USP47: variants seen among roughly 807,000 people sequenced by gnomAD.
USP47 encodes the protein ubiquitin carboxyl-terminal hydrolase 47.
USP47 carries 35 observed loss-of-function variants against 165.1 expected under a neutral mutation model. The observed-to-expected ratio is 0.21, with a 90% CI of 0.16 to 0.28. The LOEUF is 0.28. Ranked by LOEUF, USP47 falls within the 10% of genes least tolerant of loss-of-function variation. The pLI, the probability that USP47 is intolerant of heterozygous loss-of-function variation, is 1.00. For synonymous variants in USP47, 531 were observed against 544.5 expected (o/e 0.98, Z 0.35); for missense variants, 1,277 against 1,607.4 (o/e 0.79, Z 3.52).
intron 1 of USP47, among the ~76,000 whole-genome samples, chr11:11,862,116 TA>T (rs762927394): frequency 2.6e-5 from 4 of 151,886 alleles, no homozygotes; most frequent in Non-Finnish European, 5.9e-5. Context: ...TTCACTTAAG[TA>T]GTAAAAGCCC....
intron 1 of USP47, among the ~76,000 whole-genome samples, chr11:11,853,091 A>G (rs533020025): frequency 1.3e-5 from 2 of 151,822 alleles, no homozygotes; most frequent in East Asian, 3.9e-4. Flanking sequence ...GTGCCCAGAT[A>G]CTGTAATTTT....
intron 8 of USP47, among the ~76,000 whole-genome samples, chr11:11,919,443 TACTA>T (rs1212058425): frequency 6.6e-6 from 1 of 151,914 alleles, no homozygotes; most frequent in Non-Finnish European, 1.5e-5. Context: ...AAAAACCAAT[TACTA>T]AAATAAAAAT....
At chr11:11,908,078 ACT>A (rs1247849269) in intron 8 of USP47, among the ~76,000 whole-genome samples, 5 of 146,922 alleles carry the variant, frequency 3.4e-5, no homozygotes, top group East Asian at 2.0e-4. Flanking sequence ...ACTGAGCATG[ACT>A]CTGTCTCAAA....
intron 5 of USP47, among the ~76,000 whole-genome samples, chr11:11,902,376 G>A (rs1852285652): frequency 6.6e-6 from 1 of 152,106 alleles, no homozygotes; most frequent in Non-Finnish European, 1.5e-5. Context: ...TCACGTAATA[G>A]TATTCTTCTG....
chr11:11,851,323 T>G (rs1039399415), intron 1 of USP47, among the ~76,000 whole-genome samples: 1 of 152,202 alleles, frequency 6.6e-6, no homozygotes, highest in Non-Finnish European at 1.5e-5. Context: ...TTGTTTAGTC[T>G]TTTATCAGAA....
chr11:11,920,060 A>C, intron 8 of USP47, 96 bp from the exon 9 acceptor site: 1 of 903,892 alleles, frequency 1.1e-6, no homozygotes, highest in Non-Finnish European at 1.5e-6. Flanking sequence ...TAACCATTCT[A>C]CTTATAACTT....
chr11:11,940,381 A>G (rs1313655577), intron 18 of USP47, 48 bp from the exon 19 acceptor site: 1 of 1,542,594 alleles, frequency 6.5e-7, no homozygotes, highest in Non-Finnish European at 8.8e-7. Context: ...TAAGTCAAGC[A>G]GAATTATTTT....
intron 1 of USP47, among the ~76,000 whole-genome samples, chr11:11,875,106 T>C (rs2134269698): frequency 6.6e-6 from 1 of 151,634 alleles, no homozygotes; most frequent in Non-Finnish European, 1.5e-5. Context: ...ACCATAATAC[T>C]ATTATTTGCA....
chr11:11,878,760 G>A (rs1161597286), intron 1 of USP47: 2 of 151,968 alleles, frequency 1.3e-5, no homozygotes, highest in African/African-American at 4.8e-5. Context: ...ACTAATTGGA[G>A]TAACTTTAAT....
At chr11:11,914,876 CTG>C (rs1046607134) in intron 8 of USP47, among the ~76,000 whole-genome samples, 1 of 152,138 alleles carries the variant, frequency 6.6e-6, no homozygotes, top group Non-Finnish European at 1.5e-5. Context: ...TGTGGAGAAA[CTG>C]TATCACACAT....
At chr11:11,932,039 C>T (rs1230412834) in intron 14 of USP47, among the ~76,000 whole-genome samples, 2 of 152,148 alleles carry the variant, frequency 1.3e-5, no homozygotes, top group East Asian at 1.9e-4. Flanking sequence ...TTAATTGTCT[C>T]ACAGTTCTGC....
intron 11 of USP47, among the ~76,000 whole-genome samples, chr11:11,923,316 A>G (rs902302068): frequency 1.3e-5 from 2 of 151,868 alleles, no homozygotes; most frequent in Non-Finnish European, 2.9e-5. Context: ...ATTGATTTTT[A>G]AAAGTCTGGC....
At chr11:11,941,983 A>G (rs1465199706) in intron 19 of USP47, among the ~76,000 whole-genome samples, 2 of 152,096 alleles carry the variant, frequency 1.3e-5, no homozygotes, top group East Asian at 3.8e-4. Context: ...GGATTTCCTA[A>G]AGGTGAAAGA....
intron 8 of USP47, among the ~76,000 whole-genome samples, chr11:11,907,357 C>T (rs1275423136): frequency 2.0e-5 from 3 of 152,072 alleles, no homozygotes; most frequent in Non-Finnish European, 2.9e-5. Flanking sequence ...ATAGGGCTTG[C>T]GGAAGAGAAC....
At chr11:11,913,457 A>G (rs979797183) in intron 8 of USP47, among the ~76,000 whole-genome samples, 1 of 151,826 alleles carries the variant, frequency 6.6e-6, no homozygotes, top group Non-Finnish European at 1.5e-5. Flanking sequence ...TACTGGACCT[A>G]TGTGTTCAAA....
At chr11:11,874,334 T>C (rs61653405) in intron 1 of USP47, among the ~76,000 whole-genome samples, 5,290 of 152,204 alleles carry the variant, frequency 0.035, 296 homozygotes, top group African/African-American at 0.12. Context: ...CTCTGTTTTT[T>C]CCCCAGAGTT....
intron 5 of USP47, among the ~76,000 whole-genome samples, chr11:11,901,380 T>G (rs1230020911): frequency 6.6e-6 from 1 of 152,218 alleles, no homozygotes; most frequent in Non-Finnish European, 1.5e-5. Context: ...ATATTGTTGT[T>G]ACTTAATATT....
chr11:11,871,703 T>G (rs1220192648), intron 1 of USP47, among the ~76,000 whole-genome samples: 1 of 151,838 alleles, frequency 6.6e-6, no homozygotes, highest in Admixed American at 6.6e-5. Flanking sequence ...TTGCACAGAG[T>G]GTCCAGCTTT....
chr11:11,842,230 G>C lies in USP47; in HGVS notation c.39+6G>C. On this transcript the variant is annotated splice_donor_region_variant and intron_variant, in intron 1 of 27. Transcript: ENST00000527733. ...ACCAACTGGTCCCGAAAGAGGTGAG[G>C]GGCCCCAGAGGAGGTTAGGCCTTAG... 1.3e-6 allele frequency: 2 copies of C among 1,552,538 alleles called. No homozygotes were observed. Among genetic ancestry groups the C allele is most frequent in the Non-Finnish European group, 1.7e-6 (2 of 1,147,244 alleles).
Sources: gnomAD v4.1 joint callset for allele counts (sites outside exome capture counted in the v4.1 genomes callset) on GRCh38, gnomAD v4.1.1 for gene constraint, MANE v1.5 for transcripts, NCBI Gene and HGNC (gene_info 2026-07-23, HGNC 2026-07-21) for gene names.